MICU3: variants seen among roughly 807,000 people sequenced by gnomAD.
MICU3 encodes the protein calcium uptake protein 3, mitochondrial.
A neutral mutation model predicts 66.5 loss-of-function variants in MICU3; 62 were observed. The observed-to-expected ratio is 0.93, with a 90% CI of 0.76 to 1.15. The LOEUF (loss-of-function observed/expected upper bound fraction) is 1.15. MICU3 is among the 50% of genes most tolerant of loss of function. The pLI, the probability that MICU3 is intolerant of heterozygous loss-of-function variation, is 0.00. For missense variants in MICU3, 779 were observed against 664.4 expected, an observed-to-expected ratio of 1.17 and a Z score of -1.90; for synonymous variants, 308 against 240.7, an observed-to-expected ratio of 1.28 and a Z score of -2.59.
At chr8:17,065,062 C>A (rs954556852) in intron 2 of MICU3, among the ~76,000 whole-genome samples, 2 of 151,938 alleles carry the variant, frequency 1.3e-5, no homozygotes, top group African/African-American at 4.8e-5. Flanking sequence ...ATTTGAGATA[C>A]CTTGGATATA....
Position 17,027,454 on chromosome 8 carries a change from AGGC to A in MICU3, c.186_188del (p.Arg63del), listed in dbSNP as rs1177972409. 8 of 1,297,604 alleles carry A rather than the reference AGGC, an allele frequency of 6.2e-6. No homozygotes were observed. Among genetic ancestry groups the A allele is most frequent in the South Asian group, 2.6e-5 (1 of 38,870 alleles). 80.4% of individuals were successfully genotyped at this position (1,297,604 alleles called of 1,614,324 possible). On this transcript the variant is annotated inframe_deletion, in exon 1 of 15. Coordinates refer to ENST00000318063, the MANE Select transcript of MICU3 (RefSeq NM_181723.3). The stretch of plus-strand genomic sequence containing the variant: ...GAGGGCTGTGGCGGAGGCGGCATGG[AGGC>A]GGCGGCGGCGCTGGGGGGAGCTGAG...
chr8:17,066,030 G>C (rs1011207183), intron 2 of MICU3, among the ~76,000 whole-genome samples: 2 of 151,576 alleles, frequency 1.3e-5, no homozygotes, highest in African/African-American at 4.8e-5. Flanking sequence ...GGAATATGTA[G>C]GGCCATATAG....
At chr8:17,043,456 G>C (rs1252916985) in intron 1 of MICU3, among the ~76,000 whole-genome samples, 1 of 152,158 alleles carries the variant, frequency 6.6e-6, no homozygotes, top group Admixed American at 6.5e-5. Context: ...ATTGAGAAAG[G>C]TTTTGAGATA....
At chr8:17,128,176 C>T in the MICU3 span, among the ~76,000 whole-genome samples, 1 of 151,820 alleles carries the variant, frequency 6.6e-6, no homozygotes, top group Non-Finnish European at 1.5e-5. Flanking sequence ...AATGGGCCCT[C>T]CTCTTCTGAG....
At chr8:17,125,447 C>A (rs1311043620), downstream of MICU3, among the ~76,000 whole-genome samples, 1 of 151,884 alleles carries the variant, frequency 6.6e-6, no homozygotes, top group Admixed American at 6.6e-5. Context: ...TCTGGCAATC[C>A]TTTGGTATAC....
At chr8:17,119,791 T>A (rs1803053150) in intron 14 of MICU3, among the ~76,000 whole-genome samples, 1 of 152,184 alleles carries the variant, frequency 6.6e-6, no homozygotes, top group South Asian at 2.1e-4. Context: ...TCTAGTGTTT[T>A]ATGGAACCCA....
At chr8:17,047,851 A>C (rs1258089063) in intron 1 of MICU3, among the ~76,000 whole-genome samples, 2 of 152,240 alleles carry the variant, frequency 1.3e-5, no homozygotes, top group Non-Finnish European at 2.9e-5. Context: ...TAACATAAAA[A>C]GGGGTGAAAT....
At chr8:17,091,728 T>C (rs1166140891) in intron 8 of MICU3, among the ~76,000 whole-genome samples, 4 of 152,130 alleles carry the variant, frequency 2.6e-5, no homozygotes, top group Non-Finnish European at 5.9e-5. Context: ...ACTACTCTTT[T>C]CCATTAAGTA....
At chr8:17,124,578 A>C (rs1803356108), downstream of MICU3, among the ~76,000 whole-genome samples, 1 of 151,826 alleles carries the variant, frequency 6.6e-6, no homozygotes, top group Non-Finnish European at 1.5e-5. Context: ...TCTCTGTTCA[A>C]GATTGTATTT....
chr8:17,100,690 C>A lies in MICU3; in HGVS notation c.984+2137C>A, dbSNP rs150865062. 2.5e-4 allele frequency among the ~76,000 whole-genome samples: 38 copies of A among 151,796 alleles called. No homozygotes were observed. The East Asian group carries it at 6.6e-3, about 26-fold the overall frequency. ...GGTTATTAGCCCCTCATATTCTAGT[C>A]TGGAGCTGTTTCTAACCATAGATTT... On this transcript the variant is annotated intron_variant, in intron 9 of 14. Transcript: ENST00000318063.
intron 1 of MICU3, among the ~76,000 whole-genome samples, chr8:17,028,349 C>G (rs1473521309): frequency 6.6e-6 from 1 of 152,110 alleles, no homozygotes; most frequent in African/African-American, 2.4e-5. Flanking sequence ...GACACAAACT[C>G]CTACAGAAGA....
chr8:17,049,801 A>G (rs1225145142), intron 1 of MICU3, among the ~76,000 whole-genome samples: 1 of 152,216 alleles, frequency 6.6e-6, no homozygotes, highest in Non-Finnish European at 1.5e-5. Flanking sequence ...TGCACTAATA[A>G]TATATGTCTG....
In MICU3 at chr8:17,064,308, C is replaced by A. The variant is rs1267442920; in HGVS notation, c.535+71C>A. 1.1e-5 allele frequency: 14 copies of A among 1,228,136 alleles called. No individual in the cohort carries two copies. In the East Asian group the frequency reaches 3.2e-4, roughly 28 times the overall value. 76.1% of individuals were successfully genotyped at this position (1,228,136 alleles called of 1,614,324 possible). A position where few individuals can be genotyped will look rare whatever the true frequency, so the allele number is the denominator to read the frequency against. ...ATCTCTAGCTTGTGAATGGATGGAG[C>A]AGTATAAGTTTTTTAGAAGAACTGA... On this transcript the variant is annotated intron_variant, in intron 2 of 14. Transcript: ENST00000318063.
At chr8:17,027,810 C>G (rs943221211) in intron 1 of MICU3, 150 bp downstream of exon 1, 4 of 1,045,188 alleles carry the variant, frequency 3.8e-6, no homozygotes, top group Non-Finnish European at 4.9e-6. Flanking sequence ...GGCCGGACAG[C>G]CTAGGATCCG....
chr8:17,122,003 G>C lies in MICU3; in HGVS notation c.*1716G>C, dbSNP rs1014955569. The C allele has an allele frequency of 6.6e-6, 1 of 151,650 alleles. No individual in the cohort carries two copies. The highest frequency in any genetic ancestry group is 2.4e-5 in the African/African-American group (1 of 41,366). The allele number at this position is 151,650 out of a possible 1,614,324, so 9.4% of individuals were successfully genotyped here. A position where few individuals can be genotyped will look rare whatever the true frequency, so the allele number is the denominator to read the frequency against. The stretch of plus-strand genomic sequence containing the variant: ...AAAAATGCAGTTTCCTTTAATCCTT[G>C]ACTATAAGTTATACTATGTTGCGTA... On this transcript the variant is annotated 3_prime_UTR_variant, in exon 15 of 15. Transcript: ENST00000318063.
intron 1 of MICU3, among the ~76,000 whole-genome samples, chr8:17,042,273 TGATAGACAAGTTTTAACTG>T (rs1488944239): frequency 2.6e-5 from 4 of 152,236 alleles, no homozygotes; most frequent in African/African-American, 9.6e-5. Context: ...TGTTTAAACT[TGATAGACAAGTTTTAACTG>T]GATAATATTA....
At position 17,084,505 on chromosome 8, in the gene MICU3, A is replaced by T. The variant is rs559977576; in HGVS notation, c.695-731A>T. Among the ~76,000 whole-genome samples the T allele has an allele frequency of 1.6e-4, 24 of 152,134 alleles. No individual in the cohort carries two copies. The East Asian group carries it at 4.3e-3, about 27-fold the overall frequency. ...TTGTACCCCTCCCCCCGGTCATCTC[A>T]AAAGAAAAGATCCAGTGTTTTGAGA... On this transcript the variant is annotated intron_variant, in intron 5 of 14. Transcript: ENST00000318063.
downstream of MICU3, among the ~76,000 whole-genome samples, chr8:17,124,682 A>T (rs951636022): frequency 6.6e-6 from 1 of 151,932 alleles, no homozygotes; most frequent in Admixed American, 6.6e-5. Context: ...GTTGCACAGT[A>T]AGTAAATTTT....
chr8:17,047,124 C>A (rs6587013), intron 1 of MICU3, among the ~76,000 whole-genome samples: 64,763 of 151,952 alleles, frequency 0.43, 18,125 homozygotes, highest in African/African-American at 0.79. Context: ...GAGTCTGTTA[C>A]TTAAGTATAT....
Sources: gnomAD v4.1 joint callset for allele counts (sites outside exome capture counted in the v4.1 genomes callset) on GRCh38, gnomAD v4.1.1 for gene constraint, MANE v1.5 for transcripts, NCBI Gene and HGNC (gene_info 2026-07-23, HGNC 2026-07-21) for gene names.